Variants in PLAC1 observed in about 807,000 individuals in gnomAD.
PLAC1 encodes placenta-specific protein 1.
For synonymous variants in PLAC1, 68 were observed against 62.1 expected, an observed-to-expected ratio of 1.09 and a Z score of -0.44; for missense variants, 136 against 163.2, an observed-to-expected ratio of 0.83 and a Z score of 0.91.
chrX:134,640,164 T>C (rs1252200069), intron 1 of PLAC1, among the ~76,000 whole-genome samples: 1 of 111,967 alleles, frequency 8.9e-6, no homozygotes, highest in East Asian at 2.8e-4. Flanking sequence ...ACTATTTTTC[T>C]ACCCTATTAT....
intron 2 of PLAC1, among the ~76,000 whole-genome samples, chrX:134,667,013 C>T (rs2078439548): frequency 8.9e-6 from 1 of 112,308 alleles, no homozygotes; most frequent in African/African-American, 3.2e-5. Flanking sequence ...CTTTATCTTA[C>T]ACCATGTGCA....
intron 1 of PLAC1, among the ~76,000 whole-genome samples, chrX:134,619,875 G>T (rs2078202929): frequency 8.9e-6 from 1 of 111,845 alleles, no homozygotes; most frequent in Non-Finnish European, 1.9e-5. Context: ...AATTAGAAAT[G>T]ATGATGGCAC....
chrX:134,719,980 A>G (rs2078653177), intron 2 of PLAC1, among the ~76,000 whole-genome samples: 1 of 111,779 alleles, frequency 8.9e-6, no homozygotes, highest in Non-Finnish European at 1.9e-5. Flanking sequence ...ATTCAATATT[A>G]TACTGGAAGT....
At chrX:134,728,326 C>T (rs1177798788) in intron 2 of PLAC1, among the ~76,000 whole-genome samples, 1 of 111,959 alleles carries the variant, frequency 8.9e-6, no homozygotes, top group African/African-American at 3.2e-5. Flanking sequence ...CAAAAATGTC[C>T]ATATCTAGAT....
At chrX:134,629,931 A>T (rs1448065054) in intron 1 of PLAC1, among the ~76,000 whole-genome samples, 1 of 109,576 alleles carries the variant, frequency 9.1e-6, no homozygotes, top group Admixed American at 9.7e-5. Flanking sequence ...GGTGTTTGAT[A>T]ATCAGTTATT....
Position 134,566,500 on chromosome X carries a change from G to A in PLAC1, c.183C>T (p.Cys61=), listed in dbSNP as rs768215464. The stretch of plus-strand genomic sequence containing the variant: ...CGTGTGGCTGAACATGGTTTGGGGG[G>A]CAACCCAGGCCCAAGTGTAGTTCAT... ...HFHELHLGLG[C]PPNHVQPHAY... Residue 61 remains cysteine (C), a synonymous_variant, in exon 3 of 3, where the codon TGC becomes TGT. Coordinates refer to ENST00000359237, the MANE Select transcript of PLAC1 (RefSeq NM_021796.4). 3.3e-6 allele frequency: 4 copies of A among 1,211,429 alleles called. No homozygotes were observed. The highest frequency in any genetic ancestry group is 3.0e-5 in the East Asian group (1 of 33,859).
At chrX:134,735,192 A>T (rs975649690) in intron 1 of PLAC1, among the ~76,000 whole-genome samples, 1 of 111,573 alleles carries the variant, frequency 9.0e-6, no homozygotes, top group Non-Finnish European at 1.9e-5. Flanking sequence ...CCACGGCTAT[A>T]AGGAGCACAG....
chrX:134,759,730 T>C (rs1190551400), intron 1 of PLAC1, among the ~76,000 whole-genome samples: 3 of 112,157 alleles, frequency 2.7e-5, no homozygotes, highest in Admixed American at 9.5e-5. Context: ...GAATACTATA[T>C]AGTTATAAAA....
chrX:134,762,821 C>CAAAAAAAAAAAA (rs60721487), intron 1 of PLAC1, among the ~76,000 whole-genome samples: 10 of 14,814 alleles, frequency 6.8e-4, no homozygotes, highest in Admixed American at 1.2e-3. Context: ...GGCTCTATCT[C>CAAAAAAAAAAAA]AAAAAAAAAA....
intron 2 of PLAC1, among the ~76,000 whole-genome samples, chrX:134,693,733 T>C (rs781644555): frequency 8.9e-6 from 1 of 111,930 alleles, no homozygotes; most frequent in African/African-American, 3.2e-5. Flanking sequence ...TTGAAAATTA[T>C]GTGGGCAATC....
chrX:134,601,017 ATTG>A (rs2078086049), intron 2 of PLAC1: 1 of 106,774 alleles, frequency 9.4e-6, no homozygotes, highest in African/African-American at 3.4e-5. Flanking sequence ...CTGGCTAATC[ATTG>A]TTAATATTTC....
intron 1 of PLAC1, among the ~76,000 whole-genome samples, chrX:134,737,129 T>A (rs2078705095): frequency 8.9e-6 from 1 of 112,569 alleles, no homozygotes; most frequent in African/African-American, 3.2e-5. Context: ...GTGTTAGTAT[T>A]TTCATGCTGC....
chrX:134,753,749 A>C (rs148838556), intron 1 of PLAC1, among the ~76,000 whole-genome samples: 120 of 111,637 alleles, frequency 1.1e-3, no homozygotes, highest in Middle Eastern at 4.7e-3. Context: ...TTAATAAGCA[A>C]CTGGTTCACA....
chrX:134,667,365 G>A (rs2078440719), intron 2 of PLAC1, among the ~76,000 whole-genome samples: 1 of 111,972 alleles, frequency 8.9e-6, no homozygotes, highest in African/African-American at 3.3e-5. Context: ...ATGATCAAAG[G>A]ATCTGAACAG....
upstream of PLAC1, among the ~76,000 whole-genome samples, chrX:134,660,811 A>G (rs1184843612): frequency 8.9e-6 from 1 of 111,885 alleles, no homozygotes; most frequent in African/African-American, 3.3e-5. Context: ...CTGTCTTAGT[A>G]TCAGCCTCTG....
intron 1 of PLAC1, among the ~76,000 whole-genome samples, chrX:134,755,430 T>A (rs2078754320): frequency 8.9e-6 from 1 of 112,202 alleles, no homozygotes; most frequent in Admixed American, 9.5e-5. Context: ...TTCTTATACA[T>A]TTGGTAACTA....
At chrX:134,687,316 T>A (rs894527544) in intron 2 of PLAC1, among the ~76,000 whole-genome samples, 3 of 111,908 alleles carry the variant, frequency 2.7e-5, no homozygotes, top group African/African-American at 9.7e-5. Context: ...GTGGGCCACA[T>A]GTGGCCCAGG....
intron 2 of PLAC1, among the ~76,000 whole-genome samples, chrX:134,695,233 G>A (rs767158011): frequency 7.4e-4 from 83 of 112,157 alleles, no homozygotes; most frequent in South Asian, 1.1e-3. Flanking sequence ...ATTTAATAGA[G>A]GCCAGGTCAA....
At chrX:134,673,023 C>G (rs2078461150) in intron 2 of PLAC1, among the ~76,000 whole-genome samples, 1 of 112,208 alleles carries the variant, frequency 8.9e-6, no homozygotes, top group African/African-American at 3.2e-5. Flanking sequence ...ACTGTAATAG[C>G]CATTTTGGAG....
Sources: allele counts gnomAD v4.1 joint callset (sites outside exome capture counted in the v4.1 genomes callset), GRCh38; gene constraint gnomAD v4.1.1; transcripts MANE v1.5; gene names NCBI Gene and HGNC (gene_info 2026-07-23, HGNC 2026-07-21).